Variants in MAGI1 observed in about 807,000 individuals in gnomAD.
The protein encoded by MAGI1 is membrane-associated guanylate kinase, WW and PDZ domain-containing protein 1.
In MAGI1, 58 loss-of-function variants were observed where a neutral mutation model predicts 139.9. That is an observed-to-expected ratio of 0.41 (90% CI 0.34 to 0.52). The LOEUF (loss-of-function observed/expected upper bound fraction) is 0.52, where lower values mean the gene tolerates loss of function less well. Among genes scored for constraint, MAGI1 ranks in the 20% least tolerant of loss-of-function variants. The pLI is 0.12. For synonymous variants in MAGI1, 812 were observed against 737.9 expected (o/e 1.10, Z -1.63); for missense variants, 1,874 against 1,901.6 (o/e 0.99, Z 0.27).
intron 1 of MAGI1, among the ~76,000 whole-genome samples, chr3:65,677,044 A>G (rs903472446): frequency 6.6e-5 from 10 of 152,194 alleles, no homozygotes; most frequent in Admixed American, 6.5e-4. Context: ...GAAATTTAAA[A>G]TTTTATGGTG....
chr3:65,819,129 A>C (rs530818998), intron 1 of MAGI1, among the ~76,000 whole-genome samples: 1 of 152,216 alleles, frequency 6.6e-6, no homozygotes, highest in East Asian at 1.9e-4. Context: ...TATTAAAAAT[A>C]CAAAATTAGC....
chr3:65,637,493 G>A (rs1053583353), intron 1 of MAGI1, among the ~76,000 whole-genome samples: 2 of 151,502 alleles, frequency 1.3e-5, no homozygotes, highest in Non-Finnish European at 2.9e-5. Flanking sequence ...AATCAAGGCT[G>A]CAGTGAGACA....
At chr3:65,991,834 G>C (rs972471460) in intron 1 of MAGI1, among the ~76,000 whole-genome samples, 9 of 152,032 alleles carry the variant, frequency 5.9e-5, no homozygotes, top group Non-Finnish European at 1.0e-4. Context: ...GGCCAACATG[G>C]TGAAACCCCA....
chr3:65,715,570 G>A (rs917074373), intron 1 of MAGI1, among the ~76,000 whole-genome samples: 13 of 152,192 alleles, frequency 8.5e-5, no homozygotes, highest in East Asian at 5.8e-4. Context: ...TAGGGGTCAC[G>A]TGCACAATCC....
intron 1 of MAGI1, among the ~76,000 whole-genome samples, chr3:65,713,967 G>C (rs2031863068): frequency 6.6e-6 from 1 of 152,048 alleles, no homozygotes; most frequent in South Asian, 2.1e-4. Flanking sequence ...AACCACGAAG[G>C]GGACATACGA....
At chr3:65,933,100 G>A (rs981971735) in intron 1 of MAGI1, among the ~76,000 whole-genome samples, 22 of 152,154 alleles carry the variant, frequency 1.4e-4, no homozygotes, top group African/African-American at 4.8e-4. Flanking sequence ...AGTGTGTATG[G>A]CTGAAAGAAC....
intron 1 of MAGI1, among the ~76,000 whole-genome samples, chr3:65,826,750 A>T (rs1368430448): frequency 1.3e-5 from 2 of 151,648 alleles, no homozygotes; most frequent in Admixed American, 1.3e-4. Context: ...ACCATCTCAG[A>T]TCCTCCATAA....
chr3:65,880,149 G>A (rs1442686167), intron 1 of MAGI1, among the ~76,000 whole-genome samples: 1 of 152,212 alleles, frequency 6.6e-6, no homozygotes, highest in Admixed American at 6.5e-5. Flanking sequence ...GGCTAAGGCA[G>A]GAGGACTGCT....
intron 1 of MAGI1, among the ~76,000 whole-genome samples, chr3:65,770,889 T>C (rs967792873): frequency 3.3e-5 from 5 of 151,858 alleles, no homozygotes; most frequent in African/African-American, 9.7e-5. Flanking sequence ...GACGGGGTTT[T>C]CCCATGTTGG....
chr3:65,601,153 C>T (rs886317510), intron 2 of MAGI1, among the ~76,000 whole-genome samples: 3 of 152,220 alleles, frequency 2.0e-5, no homozygotes, highest in Non-Finnish European at 2.9e-5. Flanking sequence ...AATGCTTGCT[C>T]TGCATATGTT....
intron 1 of MAGI1, among the ~76,000 whole-genome samples, chr3:65,749,898 C>G (rs2036006136): frequency 6.6e-6 from 1 of 151,990 alleles, no homozygotes; most frequent in South Asian, 2.1e-4. Flanking sequence ...AAGCAAGATC[C>G]AGATGATACA....
chr3:65,390,310 C>T (rs1384559062), intron 14 of MAGI1, among the ~76,000 whole-genome samples: 1 of 152,148 alleles, frequency 6.6e-6, no homozygotes, highest in African/African-American at 2.4e-5. Context: ...TCTCTCCTAC[C>T]CCATACCAAA....
At chr3:65,699,512 T>C (rs1443466727) in intron 1 of MAGI1, among the ~76,000 whole-genome samples, 1 of 137,388 alleles carries the variant, frequency 7.3e-6, no homozygotes, top group Non-Finnish European at 1.6e-5. Flanking sequence ...ATTAAGAAAA[T>C]GTGGCACATA....
intron 1 of MAGI1, among the ~76,000 whole-genome samples, chr3:65,623,010 G>T (rs915902880): frequency 6.6e-6 from 1 of 152,168 alleles, no homozygotes; most frequent in Non-Finnish European, 1.5e-5. Flanking sequence ...GGGAGAAAAT[G>T]TGTGGAACTG....
At chr3:65,828,267 A>C (rs1287324602) in intron 1 of MAGI1, among the ~76,000 whole-genome samples, 1 of 152,200 alleles carries the variant, frequency 6.6e-6, no homozygotes, top group African/African-American at 2.4e-5. Flanking sequence ...GGTTCTGTCC[A>C]AACCTGGTGA....
chr3:65,585,822 T>G (rs991408968), intron 2 of MAGI1, among the ~76,000 whole-genome samples: 1 of 152,210 alleles, frequency 6.6e-6, no homozygotes, highest in Admixed American at 6.5e-5. Context: ...ACAATTCTAC[T>G]GCCCTTTAAC....
At chr3:65,795,080 G>A (rs1006826880) in intron 1 of MAGI1, among the ~76,000 whole-genome samples, 1 of 152,154 alleles carries the variant, frequency 6.6e-6, no homozygotes, top group Non-Finnish European at 1.5e-5. Context: ...ACGGAAAACA[G>A]TTTGACACTT....
chr3:65,725,626 A>G (rs540489108), intron 1 of MAGI1, among the ~76,000 whole-genome samples: 1 of 152,200 alleles, frequency 6.6e-6, no homozygotes, highest in African/African-American at 2.4e-5. Context: ...CATAGCATGG[A>G]AAAGAAGAAA....
At chr3:65,471,270 C>A (rs952988860) in intron 4 of MAGI1, among the ~76,000 whole-genome samples, 2 of 152,158 alleles carry the variant, frequency 1.3e-5, no homozygotes, top group Non-Finnish European at 2.9e-5. Flanking sequence ...GCATTATTGA[C>A]ATTCTGGTTG....
Sources: gnomAD v4.1 joint callset for allele counts (sites outside exome capture counted in the v4.1 genomes callset) on GRCh38, gnomAD v4.1.1 for gene constraint, MANE v1.5 for transcripts, NCBI Gene and HGNC (gene_info 2026-07-23, HGNC 2026-07-21) for gene names.